PGCKA1: variants seen among roughly 807,000 people sequenced by gnomAD.
The protein encoded by PGCKA1 is PDCD10 and GCKIII kinases associated 1.
At chr4:37,535,314 G>A in the PGCKA1 span, among the ~76,000 whole-genome samples, 1 of 152,236 alleles carries the variant, frequency 6.6e-6, no homozygotes, top group East Asian at 1.9e-4. Context: ...TTTAAAGCAA[G>A]GAGTTCAGGG....
the PGCKA1 span, chr4:37,558,074 C>T: frequency 1.3e-5 from 2 of 152,194 alleles, no homozygotes; most frequent in African/African-American, 4.8e-5. Flanking sequence ...ATATCCACAA[C>T]AGGTAAGCTA....
chr4:37,461,076 C>A, the PGCKA1 span: 10 of 202,190 alleles, frequency 4.9e-5, 1 homozygote, highest in Admixed American at 3.6e-4. Context: ...TTCCCAGCAC[C>A]ACATATTAAA....
chr4:37,463,035 C>CCCCT, the PGCKA1 span, among the ~76,000 whole-genome samples: 1 of 149,528 alleles, frequency 6.7e-6, no homozygotes. Context: ...GTGGTCCAAA[C>CCCCT]CCCTCATTTT....
chr4:37,460,648 G>A, the PGCKA1 span: 2 of 438,734 alleles, frequency 4.6e-6, no homozygotes. Flanking sequence ...AGAAGTGTCT[G>A]TTCATGTCCT....
chr4:37,493,271 G>A, the PGCKA1 span, among the ~76,000 whole-genome samples: 1 of 152,070 alleles, frequency 6.6e-6, no homozygotes, highest in Non-Finnish European at 1.5e-5. Context: ...CTACACAGAG[G>A]TCCAACAACA....
At chr4:37,461,795 C>T in the PGCKA1 span, among the ~76,000 whole-genome samples, 2 of 151,762 alleles carry the variant, frequency 1.3e-5, no homozygotes, top group Non-Finnish European at 2.9e-5. Flanking sequence ...CTTTGCTGTC[C>T]TTTAGCTGTC....
the PGCKA1 span, among the ~76,000 whole-genome samples, chr4:37,529,292 G>T: frequency 2.6e-5 from 4 of 152,062 alleles, no homozygotes; most frequent in East Asian, 7.7e-4. Context: ...CTACATCTAG[G>T]TACTTCAAAT....
chr4:37,576,561 T>C, the PGCKA1 span, among the ~76,000 whole-genome samples: 1 of 152,130 alleles, frequency 6.6e-6, no homozygotes, highest in Non-Finnish European at 1.5e-5. Flanking sequence ...CCAATTTGCA[T>C]GCCCCTTATT....
the PGCKA1 span, among the ~76,000 whole-genome samples, chr4:37,460,221 T>G: frequency 6.6e-6 from 1 of 152,244 alleles, no homozygotes; most frequent in Non-Finnish European, 1.5e-5. Context: ...CCACATTTGC[T>G]TTATCCAGTC....
the PGCKA1 span, among the ~76,000 whole-genome samples, chr4:37,472,304 G>A: frequency 6.6e-6 from 1 of 152,084 alleles, no homozygotes; most frequent in African/African-American, 2.4e-5. Context: ...TTTTTCATGT[G>A]GACTTAACTT....
the PGCKA1 span, among the ~76,000 whole-genome samples, chr4:37,504,013 C>CT: frequency 3.9e-5 from 6 of 152,108 alleles, no homozygotes; most frequent in Non-Finnish European, 5.9e-5. Context: ...TGAGGTATTA[C>CT]TTTGTCCAGT....
chr4:37,526,766 T>C, the PGCKA1 span, among the ~76,000 whole-genome samples: 1 of 152,238 alleles, frequency 6.6e-6, no homozygotes, highest in African/African-American at 2.4e-5. Context: ...TCATGTATAG[T>C]ACATACTTGA....
At chr4:37,527,386 AACTC>A in the PGCKA1 span, among the ~76,000 whole-genome samples, 2 of 152,140 alleles carry the variant, frequency 1.3e-5, no homozygotes, top group African/African-American at 2.4e-5. Context: ...TATTCACTCA[AACTC>A]ACTCACTGAC....
the PGCKA1 span, among the ~76,000 whole-genome samples, chr4:37,580,734 A>G: frequency 6.6e-6 from 1 of 152,188 alleles, no homozygotes; most frequent in African/African-American, 2.4e-5. Flanking sequence ...GATCTTACCC[A>G]GGGCCCTCTG....
the PGCKA1 span, among the ~76,000 whole-genome samples, chr4:37,455,266 A>C: frequency 6.6e-6 from 1 of 152,202 alleles, no homozygotes; most frequent in Non-Finnish European, 1.5e-5. Flanking sequence ...AAGATCATAG[A>C]CCACCTTACT....
the PGCKA1 span, among the ~76,000 whole-genome samples, chr4:37,548,353 AAAAG>A: frequency 2.6e-5 from 4 of 152,196 alleles, no homozygotes; most frequent in Admixed American, 1.3e-4. Context: ...AAGGTTAAAA[AAAAG>A]TTATTGTTTT....
At chr4:37,590,629 T>C in the PGCKA1 span, 1 of 1,614,090 alleles carries the variant, frequency 6.2e-7, no homozygotes, top group African/African-American at 1.3e-5. Flanking sequence ...CCTTCAGCAT[T>C]GGGGCCCAGC....
At chr4:37,461,033 C>T in the PGCKA1 span, 2 of 228,844 alleles carry the variant, frequency 8.7e-6, no homozygotes, top group Admixed American at 5.8e-5. Flanking sequence ...GGAAGGGGTG[C>T]AGTTTCAGTT....
the PGCKA1 span, among the ~76,000 whole-genome samples, chr4:37,526,890 C>T: frequency 6.2e-4 from 94 of 152,140 alleles, no homozygotes; most frequent in African/African-American, 2.0e-3. Context: ...TGTAAAACAG[C>T]CTCAGGCAGG....
Sources: allele counts gnomAD v4.1 joint callset (sites outside exome capture counted in the v4.1 genomes callset), GRCh38; gene constraint gnomAD v4.1.1; transcripts MANE v1.5; gene names NCBI Gene and HGNC (gene_info 2026-07-23, HGNC 2026-07-21).